The following VASH1 variants were observed in gnomAD, a reference collection of about 807,000 sequenced individuals.
The protein encoded by VASH1 is tubulinyl-Tyr carboxypeptidase 1.
A neutral mutation model predicts 35.0 loss-of-function variants in VASH1; 16 were observed. The observed-to-expected ratio is 0.46, with a 90% confidence interval of 0.31 to 0.70. VASH1 has a LOEUF of 0.70. VASH1 is among the 30% of genes least tolerant of loss of function. The pLI, the probability that VASH1 is intolerant of heterozygous loss-of-function variation, is 0.05. For synonymous variants in VASH1, 214 were observed against 200.9 expected (o/e 1.07, Z -0.55); for missense variants, 505 against 510.7 (o/e 0.99, Z 0.11).
At position 76,767,076 on chromosome 14, in the gene VASH1, C is replaced by G. The variant is rs758858079; in HGVS notation, c.310-2887C>G. Among the ~76,000 whole-genome samples the G allele has an allele frequency of 1.6e-3, 249 of 151,982 alleles. 1 individual carries two copies. Among genetic ancestry groups the G allele is most frequent in the Non-Finnish European group, 3.1e-3 (214 of 67,978 alleles). ...TCTGGCCAATGTGGTGAAACCCCAT[C>G]TCTACTAAAAATACAAAAATTAGCT... On this transcript the variant is annotated intron_variant, in intron 1 of 6. Transcript: ENST00000167106.
chr14:76,778,921 C>A, intron 6 of VASH1, 25 bp from the exon 7 acceptor site: 2 of 1,612,722 alleles, frequency 1.2e-6, no homozygotes, highest in Non-Finnish European at 1.7e-6. Flanking sequence ...CACTCTCCTC[C>A]CGCTCTGCTC....
chr14:76,772,221 C>T (rs1195976793), intron 3 of VASH1, among the ~76,000 whole-genome samples: 1 of 152,082 alleles, frequency 6.6e-6, no homozygotes, highest in African/African-American at 2.4e-5. Flanking sequence ...GCCTGGGTGA[C>T]AGGGCGAGAC....
chr14:76,778,457 G>C (rs1162506289), intron 6 of VASH1, among the ~76,000 whole-genome samples: 1 of 152,178 alleles, frequency 6.6e-6, no homozygotes, highest in Non-Finnish European at 1.5e-5. Context: ...TATCCAGGTA[G>C]CAAGAACAAG....
chr14:76,772,979 C>A (rs957863078), intron 3 of VASH1, among the ~76,000 whole-genome samples, 158 bp from the exon 4 acceptor site: 11 of 152,210 alleles, frequency 7.2e-5, no homozygotes, highest in African/African-American at 2.2e-4. Flanking sequence ...TTCCGTCCGT[C>A]GGGAGTGTGG....
At chr14:76,764,939 A>G (rs1212502686) in intron 1 of VASH1, among the ~76,000 whole-genome samples, 3 of 151,828 alleles carry the variant, frequency 2.0e-5, no homozygotes, top group African/African-American at 7.3e-5. Context: ...TAATCCACCC[A>G]CCTCAGCCTC....
At chr14:76,765,524 TTGGGTGCC>T (rs1893620141) in intron 1 of VASH1, among the ~76,000 whole-genome samples, 1 of 151,968 alleles carries the variant, frequency 6.6e-6, no homozygotes, top group African/African-American at 2.4e-5. Flanking sequence ...GCAGCGTGGG[TTGGGTGCC>T]TGGGTGCCAG....
intron 4 of VASH1, chr14:76,774,926 A>AC (rs1893892568): frequency 6.6e-6 from 1 of 152,124 alleles, no homozygotes; most frequent in African/African-American, 2.4e-5. Flanking sequence ...GCAAAGGGGG[A>AC]TAGTGGCAGT....
intron 1 of VASH1, chr14:76,769,545 G>A (rs1047624004): frequency 4.4e-5 from 54 of 1,238,220 alleles, no homozygotes; most frequent in Non-Finnish European, 5.5e-5. Flanking sequence ...CTGAGAAGAT[G>A]GGACCCCGGA....
At chr14:76,763,667 A>G (rs528279308) in intron 1 of VASH1, among the ~76,000 whole-genome samples, 9 of 152,320 alleles carry the variant, frequency 5.9e-5, no homozygotes, top group African/African-American at 1.9e-4. Context: ...CTGAGATTCA[A>G]TTTCAGGTCT....
chr14:76,763,032 G>A lies in VASH1; in HGVS notation c.211G>A (p.Glu71Lys), dbSNP rs1366629028. 6.5e-7 allele frequency: 1 copy of A among 1,548,698 alleles called. No individual in the cohort carries two copies. Among genetic ancestry groups the A allele is most frequent in the Non-Finnish European group, 8.7e-7 (1 of 1,145,840 alleles). The change falls in exon 1 of 7, where the codon GAG (glutamate) becomes AAG (lysine). Residue 71 changes from glutamate (E) to lysine (K), a missense_variant. By Grantham distance (56) the Glu-to-Lys change is moderately conservative. Transcript: ENST00000167106. ...FVNRGGLPVD[E>K]ATWERMWKHV... Reference sequence around the variant, plus strand: ...CAACCGGGGTGGGCTACCTGTGGATGAGGCCACCTGGGAAAGGATGTGGAA... The same window carrying A: ...CAACCGGGGTGGGCTACCTGTGGATAAGGCCACCTGGGAAAGGATGTGGAA...
In VASH1 at chr14:76,775,770, A is replaced by G. The variant is rs113501467; in HGVS notation, c.531-122A>G. On this transcript the variant is annotated intron_variant, in intron 4 of 6. Transcript: ENST00000167106. ...AGACGCCAGGCGTATGGAGATGAGC[A>G]GGACTGGTGTCTGCACCCCAAGGCT... 1,376 of 1,385,224 alleles carry G rather than the reference A, an allele frequency of 9.9e-4. 12 individuals are homozygous for G. The African/African-American group carries it at 0.018, about 18-fold the overall frequency. The allele number at this position is 1,385,224 out of a possible 1,614,324, so 85.8% of individuals were successfully genotyped here. A position where few individuals can be genotyped will look rare whatever the true frequency, so the allele number is the denominator to read the frequency against.
chr14:76,778,470 A>G (rs1894008478), intron 6 of VASH1, among the ~76,000 whole-genome samples: 1 of 152,168 alleles, frequency 6.6e-6, no homozygotes, highest in South Asian at 2.1e-4. Context: ...AGAACAAGCC[A>G]TTGAAATACC....
chr14:76,773,308 G>T, intron 4 of VASH1, 97 bp downstream of exon 4: 1 of 1,261,324 alleles, frequency 7.9e-7, no homozygotes, highest in Non-Finnish European at 1.1e-6. Context: ...TGGGCTCCAG[G>T]GCTCTCCCAT....
rs1307908152 is a variant in VASH1, at chr14:76,763,136, A to G, written c.309+6A>G. Reference sequence around the variant, plus strand: ...GGGCCACAGACCTGCCCAAGGTGAGACACACGGGTCAGGGGGGTGATAGCA... The same window carrying G: ...GGGCCACAGACCTGCCCAAGGTGAGGCACACGGGTCAGGGGGGTGATAGCA... On this transcript the variant is annotated splice_donor_region_variant and intron_variant, in intron 1 of 6. Coordinates refer to ENST00000167106, the MANE Select transcript of VASH1 (RefSeq NM_014909.5). 3 of 1,461,866 alleles carry G rather than the reference A, an allele frequency of 2.1e-6. No homozygotes were observed. In the East Asian group the frequency reaches 7.6e-5, roughly 37 times the overall value. 90.6% of individuals were successfully genotyped at this position (1,461,866 alleles called of 1,614,324 possible).
At chr14:76,763,317 C>T (rs1893556789) in intron 1 of VASH1, among the ~76,000 whole-genome samples, 187 bp downstream of exon 1, 1 of 152,192 alleles carries the variant, frequency 6.6e-6, no homozygotes, top group Admixed American at 6.5e-5. Flanking sequence ...GGGAGGCTCA[C>T]ATACATTGTC....
Position 76,776,260 on chromosome 14 carries a change from A to G in VASH1, c.899A>G (p.Asp300Gly), listed in dbSNP as rs771526416. ...AAGGAGCTGGAGCGCCACGCCCGCG[A>G]CATGCGGCTCAAGGTCTGCCCGCCT... Reference protein sequence around the residue: ...FRKELERHARDMRLKIGKGTG... With the variant: ...FRKELERHARGMRLKIGKGTG... The change falls in exon 5 of 7, where the codon GAC becomes GGC. Residue 300 changes from aspartate (D) to glycine (G), a missense_variant. Physicochemically the swap from Asp to Gly is moderately conservative, Grantham distance 94. Transcript: ENST00000167106. 5 of 1,594,642 alleles carry G rather than the reference A, an allele frequency of 3.1e-6. No individual in the cohort carries two copies. The African/African-American group carries it at 6.7e-5, about 21-fold the overall frequency.
At chr14:76,777,412 C>G (rs1038702571) in intron 5 of VASH1, among the ~76,000 whole-genome samples, 1 of 152,228 alleles carries the variant, frequency 6.6e-6, no homozygotes, top group African/African-American at 2.4e-5. Context: ...GTGATGGATT[C>G]CCAGCCTATT....
intron 1 of VASH1, among the ~76,000 whole-genome samples, chr14:76,763,859 CAG>C (rs1217298628): frequency 6.6e-6 from 1 of 152,230 alleles, no homozygotes; most frequent in Non-Finnish European, 1.5e-5. Context: ...CCAACGAAAA[CAG>C]AGGCTGTATC....
rs1566690250 is a variant in VASH1, at chr14:76,781,347, TG to T, written c.*2334del. Reference sequence around the variant, plus strand: ...CCATCCCATCCCAGCTTTCAGGGAGTGGGGGTAGTGTGGTCTCCATGTTCCT... The same window carrying T: ...CCATCCCATCCCAGCTTTCAGGGAGTGGGGTAGTGTGGTCTCCATGTTCCT... On this transcript the variant is annotated 3_prime_UTR_variant, in exon 7 of 7. Coordinates refer to ENST00000167106, the MANE Select transcript of VASH1 (RefSeq NM_014909.5). 6.6e-6 allele frequency: 1 copy of T among 151,826 alleles called. No homozygotes were observed. The highest frequency in any genetic ancestry group is 2.4e-5 in the African/African-American group (1 of 41,248). The allele number at this position is 151,826 out of a possible 1,614,324, so 9.4% of individuals were successfully genotyped here. A position where few individuals can be genotyped will look rare whatever the true frequency, so the allele number is the denominator to read the frequency against.
Sources: gnomAD v4.1 joint callset for allele counts (sites outside exome capture counted in the v4.1 genomes callset) on GRCh38, gnomAD v4.1.1 for gene constraint, MANE v1.5 for transcripts, NCBI Gene and HGNC (gene_info 2026-07-23, HGNC 2026-07-21) for gene names.